Variants in FSTL5 observed in about 807,000 individuals in gnomAD.
FSTL5 encodes the protein follistatin-related protein 5.
A neutral mutation model predicts 89.1 loss-of-function variants in FSTL5; 62 were observed. The observed-to-expected ratio is 0.70, with a 90% CI of 0.57 to 0.86. FSTL5 has a LOEUF of 0.86. FSTL5 is among the 40% of genes least tolerant of loss of function. The probability of loss-of-function intolerance (pLI) is 0.00; values close to 1 mark genes in which losing one functional copy is unlikely to be tolerated. For synonymous variants in FSTL5, 383 were observed against 346.2 expected, an observed-to-expected ratio of 1.11 and a Z score of -1.18; for missense variants, 1,057 against 1,001.6, an observed-to-expected ratio of 1.06 and a Z score of -0.75.
rs566008509 is a variant in FSTL5 at position 161,832,588 on chromosome 4, T to C, written c.410-56514A>G. 3.4e-4 allele frequency among the ~76,000 whole-genome samples: 52 copies of C among 152,300 alleles called. 3 individuals are homozygous for C. In the South Asian group the frequency reaches 9.9e-3, roughly 29 times the overall value. On this transcript the variant is annotated intron_variant, in intron 4 of 15. Transcript: ENST00000306100. ...TTATTGGACTATTCAGATAGTCAAC[T>C]TCTTCCTGGTTTAGTCTTGGGAGGG...
At chr4:161,615,453 A>G (rs1027632146) in intron 7 of FSTL5, among the ~76,000 whole-genome samples, 3 of 150,642 alleles carry the variant, frequency 2.0e-5, no homozygotes, top group African/African-American at 7.3e-5. Context: ...TCAAAAAAAA[A>G]AAAAAAAAAA....
chr4:161,979,889 A>G (rs559261168), intron 3 of FSTL5, among the ~76,000 whole-genome samples: 2 of 152,258 alleles, frequency 1.3e-5, no homozygotes, highest in Admixed American at 1.3e-4. Flanking sequence ...TCTTGGTCTT[A>G]TTGGGGGACA....
At chr4:161,696,375 T>C (rs1283557548) in intron 6 of FSTL5, among the ~76,000 whole-genome samples, 3 of 152,180 alleles carry the variant, frequency 2.0e-5, no homozygotes, top group Non-Finnish European at 4.4e-5. Flanking sequence ...TATAGTATAG[T>C]TTGAAATCAG....
chr4:161,403,319 T>G (rs1482282801), intron 15 of FSTL5, among the ~76,000 whole-genome samples: 7 of 152,118 alleles, frequency 4.6e-5, no homozygotes, highest in Non-Finnish European at 8.8e-5. Flanking sequence ...GTGTGTGTGT[T>G]TGTTTGTTTT....
At chr4:161,633,145 G>T (rs545146107) in intron 7 of FSTL5, among the ~76,000 whole-genome samples, 1 of 151,676 alleles carries the variant, frequency 6.6e-6, no homozygotes, top group Non-Finnish European at 1.5e-5. Context: ...CCGGGGTCAC[G>T]TTGAAGTTGC....
At chr4:161,482,849 A>G (rs1187034306) in intron 12 of FSTL5, among the ~76,000 whole-genome samples, 1 of 152,212 alleles carries the variant, frequency 6.6e-6, no homozygotes, top group African/African-American at 2.4e-5. Context: ...AATTTTTAAG[A>G]TCTGGTTCAG....
chr4:161,848,223 T>C (rs1731438051), intron 4 of FSTL5, among the ~76,000 whole-genome samples: 1 of 152,008 alleles, frequency 6.6e-6, no homozygotes, highest in African/African-American at 2.4e-5. Context: ...ATAAAAGTGA[T>C]CTCAGACATG....
chr4:162,080,484 A>T (rs1271382257), intron 2 of FSTL5, among the ~76,000 whole-genome samples: 1 of 151,664 alleles, frequency 6.6e-6, no homozygotes. Flanking sequence ...AGGTACTTAC[A>T]TAAAAACTTC....
At chr4:162,100,091 T>C (rs753332073) in intron 2 of FSTL5, among the ~76,000 whole-genome samples, 18 of 152,180 alleles carry the variant, frequency 1.2e-4, no homozygotes, top group Admixed American at 6.5e-4. Flanking sequence ...GAGCTGAAAA[T>C]GTATGTCCAC....
intron 3 of FSTL5, among the ~76,000 whole-genome samples, chr4:161,960,816 A>T (rs1193942649): frequency 6.6e-6 from 1 of 152,044 alleles, no homozygotes; most frequent in Admixed American, 6.6e-5. Flanking sequence ...GACACTTTAA[A>T]ATAATAATTA....
intron 2 of FSTL5, among the ~76,000 whole-genome samples, chr4:162,054,687 GTGTCTTTT>G (rs1440721110): frequency 6.6e-6 from 1 of 151,720 alleles, no homozygotes; most frequent in Admixed American, 6.6e-5. Context: ...AGTTCTTTTT[GTGTCTTTT>G]TGAAGTGTGT....
At chr4:161,905,374 C>T (rs1356503739) in intron 4 of FSTL5, among the ~76,000 whole-genome samples, 1 of 152,060 alleles carries the variant, frequency 6.6e-6, no homozygotes, top group African/African-American at 2.4e-5. Flanking sequence ...CTAGAGATGT[C>T]ATTACCACAT....
At chr4:161,458,298 A>G (rs115084860) in intron 14 of FSTL5, among the ~76,000 whole-genome samples, 2,478 of 152,292 alleles carry the variant, frequency 0.016, 83 homozygotes, top group African/African-American at 0.057. Context: ...AATAACCAAA[A>G]TACTATAATA....
At chr4:161,625,006 T>C (rs187880047) in intron 7 of FSTL5, among the ~76,000 whole-genome samples, 2 of 152,220 alleles carry the variant, frequency 1.3e-5, no homozygotes, top group Non-Finnish European at 2.9e-5. Flanking sequence ...GGTGTTGTAT[T>C]AGGAAATACC....
intron 5 of FSTL5, among the ~76,000 whole-genome samples, chr4:161,761,322 G>C (rs1231530063): frequency 3.3e-5 from 5 of 152,092 alleles, no homozygotes; most frequent in Non-Finnish European, 7.4e-5. Context: ...TTCTCCATTT[G>C]CTATTGGTTA....
At chr4:161,586,589 G>A (rs930447356) in intron 8 of FSTL5, among the ~76,000 whole-genome samples, 1 of 152,026 alleles carries the variant, frequency 6.6e-6, no homozygotes, top group Admixed American at 6.6e-5. Flanking sequence ...CTCTTACTTG[G>A]ACACTAAAAT....
chr4:161,966,526 T>C (rs1019400755), intron 3 of FSTL5, among the ~76,000 whole-genome samples: 3 of 152,080 alleles, frequency 2.0e-5, no homozygotes, highest in Non-Finnish European at 4.4e-5. Context: ...TAAAGTTACT[T>C]TGAGGTCTAG....
chr4:161,663,949 G>GGGTAAA, intron 6 of FSTL5, among the ~76,000 whole-genome samples: 1 of 152,190 alleles, frequency 6.6e-6, no homozygotes, highest in Non-Finnish European at 1.5e-5. Flanking sequence ...GCCAAGGCTT[G>GGGTAAA]TGGCTTCCAC....
chr4:161,449,758 T>C (rs970347982), intron 15 of FSTL5, among the ~76,000 whole-genome samples: 3 of 152,128 alleles, frequency 2.0e-5, no homozygotes, highest in Non-Finnish European at 2.9e-5. Context: ...CAAATGGCAC[T>C]TGTTTTAAAT....
Sources: gnomAD v4.1 joint callset for allele counts (sites outside exome capture counted in the v4.1 genomes callset) on GRCh38, gnomAD v4.1.1 for gene constraint, MANE v1.5 for transcripts, NCBI Gene and HGNC (gene_info 2026-07-23, HGNC 2026-07-21) for gene names.